Variants in SLC4A4 observed in about 807,000 individuals in gnomAD.
SLC4A4 encodes the protein solute carrier family 4 member 4.
A neutral mutation model predicts 111.5 loss-of-function variants in SLC4A4; 27 were observed. That is an observed-to-expected ratio of 0.24 (90% CI 0.18 to 0.33). The LOEUF (loss-of-function observed/expected upper bound fraction) is 0.33, where lower values mean the gene tolerates loss of function less well. SLC4A4 is among the 10% of genes least tolerant of loss of function. The pLI is 1.00. For missense variants in SLC4A4, 909 were observed against 1,315.5 expected (o/e 0.69, Z 4.78); for synonymous variants, 443 against 463.4 (o/e 0.96, Z 0.57).
chr4:71,353,683 A>G (rs1464416941), intron 5 of SLC4A4, among the ~76,000 whole-genome samples: 1 of 152,220 alleles, frequency 6.6e-6, no homozygotes, highest in Non-Finnish European at 1.5e-5. Context: ...GTTGAGAATT[A>G]TGCACAGCTA....
chr4:71,241,509 A>T (rs1560805540), intron 2 of SLC4A4, among the ~76,000 whole-genome samples: 1 of 152,170 alleles, frequency 6.6e-6, no homozygotes, highest in Non-Finnish European at 1.5e-5. Flanking sequence ...TTCTAAAAAA[A>T]CTGGGGCCTG....
intron 14 of SLC4A4, chr4:71,473,290 G>A (rs1728057207): frequency 8.4e-6 from 5 of 593,882 alleles, no homozygotes; most frequent in Middle Eastern, 4.4e-4. Flanking sequence ...CTGGATACAT[G>A]TATTAACAGA....
intron 21 of SLC4A4, among the ~76,000 whole-genome samples, chr4:71,556,602 C>G (rs1736492912): frequency 6.6e-6 from 1 of 151,934 alleles, no homozygotes; most frequent in African/African-American, 2.4e-5. Context: ...TTCTGCAATG[C>G]TATTGCCCCT....
At chr4:71,392,678 C>T (rs1394206583) in intron 6 of SLC4A4, among the ~76,000 whole-genome samples, 3 of 152,074 alleles carry the variant, frequency 2.0e-5, no homozygotes, top group Non-Finnish European at 4.4e-5. Flanking sequence ...GCCAGCGTCA[C>T]CCTAATACCC....
At chr4:71,267,790 C>CAAAAAAAAA (rs1722379370) in intron 3 of SLC4A4, among the ~76,000 whole-genome samples, 1 of 13,068 alleles carries the variant, frequency 7.7e-5, no homozygotes, top group African/African-American at 2.0e-4. Context: ...TGAGAGTCTG[C>CAAAAAAAAA]CAAAAAAAAA....
At chr4:71,331,040 C>T (rs972432149) in intron 3 of SLC4A4, among the ~76,000 whole-genome samples, 2 of 152,146 alleles carry the variant, frequency 1.3e-5, no homozygotes, top group African/African-American at 4.8e-5. Context: ...GATACCATCT[C>T]ACACCAGTTA....
chr4:71,118,748 A>T (rs374681902), intron 2 of SLC4A4, among the ~76,000 whole-genome samples: 1 of 152,220 alleles, frequency 6.6e-6, no homozygotes, highest in African/African-American at 2.4e-5. Context: ...CATTTAAAGA[A>T]GTCCTTGTTA....
rs1553900734 is a variant in SLC4A4, at chr4:71,376,156, T to TATATACACACACACACAC, written c.730+18970_730+18971insTATACACACACACACACA. Among the ~76,000 whole-genome samples, 252 of 135,542 alleles carry TATATACACACACACACAC rather than the reference T, an allele frequency of 1.9e-3. 2 individuals carry two copies. The highest frequency in any genetic ancestry group is 5.8e-3 in the African/African-American group (211 of 36,238). The allele number at this position is 135,542 out of a possible 152,430, so 88.9% of individuals were successfully genotyped here. On this transcript the variant is annotated intron_variant, in intron 6 of 25. Coordinates refer to ENST00000264485, the MANE Select transcript of SLC4A4 (RefSeq NM_001098484.3). ...ACATACACATATATACCTGTATATA[T>TATATACACACACACACAC]ACACACACACACACACACACACACA...
intron 3 of SLC4A4, among the ~76,000 whole-genome samples, chr4:71,338,402 C>T (rs1728600645): frequency 6.6e-6 from 1 of 152,098 alleles, no homozygotes; most frequent in African/African-American, 2.4e-5. Flanking sequence ...ACTTGAACTG[C>T]ATTCACATGT....
At chr4:71,326,956 G>T (rs1302942028) in intron 3 of SLC4A4, among the ~76,000 whole-genome samples, 1 of 151,986 alleles carries the variant, frequency 6.6e-6, no homozygotes, top group Non-Finnish European at 1.5e-5. Context: ...CTTAAAAATA[G>T]TTGTTTCTTT....
At chr4:71,321,876 T>A (rs1408105122) in intron 3 of SLC4A4, among the ~76,000 whole-genome samples, 1 of 151,948 alleles carries the variant, frequency 6.6e-6, no homozygotes. Context: ...AATGAAGCAT[T>A]ATGTTGTCTG....
intron 14 of SLC4A4, among the ~76,000 whole-genome samples, chr4:71,478,023 T>C (rs1297863742): frequency 2.0e-5 from 3 of 152,022 alleles, no homozygotes; most frequent in South Asian, 2.1e-4. Context: ...AAGTTCATTA[T>C]TGCTGGTCAT....
At chr4:71,063,144 AG>A (rs1190426564) in intron 1 of SLC4A4, among the ~76,000 whole-genome samples, 1 of 152,248 alleles carries the variant, frequency 6.6e-6, no homozygotes. Context: ...GTAAAGAAGT[AG>A]AAAGTTAATA....
chr4:71,115,526 A>G (rs1288717738), intron 2 of SLC4A4, among the ~76,000 whole-genome samples: 3 of 152,192 alleles, frequency 2.0e-5, no homozygotes, highest in African/African-American at 4.8e-5. Flanking sequence ...TTGTTGATGT[A>G]GAATTTGACC....
intron 3 of SLC4A4, among the ~76,000 whole-genome samples, chr4:71,265,897 T>A (rs1722219183): frequency 6.6e-6 from 1 of 152,238 alleles, no homozygotes; most frequent in Non-Finnish European, 1.5e-5. Context: ...GCATACCATA[T>A]GATAAATATC....
At chr4:71,160,337 C>CTTTTT (rs11307159) in intron 2 of SLC4A4, among the ~76,000 whole-genome samples, 1 of 147,276 alleles carries the variant, frequency 6.8e-6, no homozygotes, top group Non-Finnish European at 1.5e-5. Flanking sequence ...TAACTCCAGG[C>CTTTTT]TTTTTTTTTT....
chr4:71,503,678 G>A (rs1407023023), intron 16 of SLC4A4, among the ~76,000 whole-genome samples: 3 of 151,688 alleles, frequency 2.0e-5, no homozygotes, highest in African/African-American at 4.8e-5. Context: ...TCTTGTTTTC[G>A]ACCATTTTAA....
chr4:71,284,808 G>T (rs1294496969), intron 3 of SLC4A4, among the ~76,000 whole-genome samples: 1 of 152,052 alleles, frequency 6.6e-6, no homozygotes, highest in Non-Finnish European at 1.5e-5. Flanking sequence ...TACATTTTGG[G>T]TTCTGCTGAT....
intron 16 of SLC4A4, among the ~76,000 whole-genome samples, chr4:71,509,706 G>C (rs571197911): frequency 6.6e-6 from 1 of 152,318 alleles, no homozygotes; most frequent in East Asian, 1.9e-4. Context: ...CCACCAGGTA[G>C]CCTCTTGGGT....
Sources: gnomAD v4.1 joint callset for allele counts (sites outside exome capture counted in the v4.1 genomes callset) on GRCh38, gnomAD v4.1.1 for gene constraint, MANE v1.5 for transcripts, NCBI Gene and HGNC (gene_info 2026-07-23, HGNC 2026-07-21) for gene names.